Variants in ABCA7 observed in about 807,000 individuals in gnomAD.
ABCA7 encodes phospholipid-transporting ATPase ABCA7.
In ABCA7, 261 loss-of-function variants were observed where a neutral mutation model predicts 227.6. That is an observed-to-expected ratio of 1.15 (90% CI 1.04 to 1.27). The LOEUF is 1.27. Among genes scored for constraint, ABCA7 ranks in the 50% most tolerant of loss-of-function variants. ABCA7 has a pLI of 0.00. For missense variants in ABCA7, 3,331 were observed against 2,924.5 expected, an observed-to-expected ratio of 1.14 and a Z score of -3.21; for synonymous variants, 1,488 against 1,279.7, an observed-to-expected ratio of 1.16 and a Z score of -3.47.
rs764422021 is a variant in ABCA7 at position 1,047,172 on chromosome 19, C to T, written c.1861C>T (p.Pro621Ser). The T allele has an allele frequency of 6.2e-7, 1 of 1,603,956 alleles. No individual in the cohort carries two copies. The highest frequency in any genetic ancestry group is 8.5e-7 in the Non-Finnish European group (1 of 1,177,244). Reference sequence around the variant, plus strand: ...CCTCTCACAGCTGGGAGACATCCTCCCCTACAGCCACCCGGGCGTGGTCTT... The same window carrying T: ...CCTCTCACAGCTGGGAGACATCCTCTCCTACAGCCACCCGGGCGTGGTCTT... ...VLVLKLGDIL[P>S]YSHPGVVFLF... Residue 621 changes from proline (P) to serine (S), a missense_variant, in exon 15 of 47, where the codon CCC becomes TCC. By Grantham distance (74) the Pro-to-Ser change is moderately conservative. Coordinates refer to ENST00000263094, the MANE Select transcript of ABCA7 (RefSeq NM_019112.4).
chr19:1,051,612 G>A, intron 21 of ABCA7, 26 bp downstream of exon 21: 1 of 1,595,526 alleles, frequency 6.3e-7, no homozygotes, highest in East Asian at 2.2e-5. Flanking sequence ...TCTGCTCGAG[G>A]GGCCAGAAAA....
chr19:1,054,407 C>G lies in ABCA7; in HGVS notation c.3726+66C>G, dbSNP rs1162949129. On this transcript the variant is annotated intron_variant, in intron 27 of 46. Transcript: ENST00000263094. The surrounding 1 kb of genome is among the most constrained non-coding windows in gnomAD (Gnocchi z 4.8). ...GAGTTCCCTACCCTGGCCGTCCACT[C>G]AGTGGCCTAATCCAAACCCTTACCC... 3.2e-6 allele frequency: 5 copies of G among 1,554,988 alleles called. No homozygotes were observed. In the East Asian group the frequency reaches 1.1e-4, roughly 35 times the overall value.
At chr19:1,055,467 C>A in intron 30 of ABCA7, 116 bp downstream of exon 30, 1 of 1,163,474 alleles carries the variant, frequency 8.6e-7, no homozygotes, top group Non-Finnish European at 1.2e-6. Context: ...CTTGGGGCTA[C>A]GGGCTGGGAG....
Position 1,051,956 on chromosome 19 carries a change from C to A in ABCA7, c.2977C>A (p.Leu993Ile), listed in dbSNP as rs772638796. The A allele has an allele frequency of 3.7e-6, 6 of 1,611,790 alleles. No homozygotes were observed. Among genetic ancestry groups the A allele is most frequent in the Non-Finnish European group, 5.1e-6 (6 of 1,179,874 alleles). ...CCCGTGCCTAGGTCGCACGCTGATCCTCTCCACCCACCACCTGGATGAGGC... is the reference window on the plus strand; with the variant it reads ...CCCGTGCCTAGGTCGCACGCTGATCATCTCCACCCACCACCTGGATGAGGC... ...LKYREGRTLI[L>I]STHHLDEAEL... The change falls in exon 22 of 47, where the codon CTC (leucine) becomes ATC (isoleucine). Residue 993 changes from leucine (L) to isoleucine (I), a missense_variant. Transcript: ENST00000263094.
At chr19:1,042,269 G>C (rs1358318211) in intron 5 of ABCA7, 46 bp from the exon 6 acceptor site, 6 of 1,580,398 alleles carry the variant, frequency 3.8e-6, no homozygotes, top group Non-Finnish European at 5.2e-6. Context: ...GGGTGCCTCA[G>C]ACCAACGTCC....
chr19:1,061,920 C>CCTGGTGGGGGGGGGGGGGGGG, intron 41 of ABCA7, 32 bp downstream of exon 41: 1 of 1,521,512 alleles, frequency 6.6e-7, no homozygotes, highest in African/African-American at 1.5e-5. Flanking sequence ...CAGGGTGGGG[C>CCTGGTGGGGGGGGGGGGGGGG]AGGGTTGGCC....
At chr19:1,061,150 A>G (rs372597329) in intron 40 of ABCA7, among the ~76,000 whole-genome samples, 7 of 152,200 alleles carry the variant, frequency 4.6e-5, no homozygotes, top group East Asian at 3.9e-4. Context: ...TAACCCCAGC[A>G]CTTTGGGAGG....
At position 1,046,799 on chromosome 19, in the gene ABCA7, C is replaced by T; in HGVS notation, c.1623-3C>T. On this transcript the variant is annotated splice_polypyrimidine_tract_variant and splice_region_variant and intron_variant, in intron 13 of 46. Transcript: ENST00000263094. Reference sequence around the variant, plus strand: ...GCCTCCACCCCAGCCGTCCCCACCCCAGGTTCCTGCGTGTGCTGAGCCGGT... The same window carrying T: ...GCCTCCACCCCAGCCGTCCCCACCCTAGGTTCCTGCGTGTGCTGAGCCGGT... 1 of 1,536,730 alleles carries T rather than the reference C, an allele frequency of 6.5e-7. No homozygotes were observed. The highest frequency in any genetic ancestry group is 8.7e-7 in the Non-Finnish European group (1 of 1,146,642).
intron 18 of ABCA7, among the ~76,000 whole-genome samples, chr19:1,050,226 T>C (rs1406133071): frequency 6.6e-6 from 1 of 151,078 alleles, no homozygotes; most frequent in Non-Finnish European, 1.5e-5. Flanking sequence ...GCCTGGCCAA[T>C]ATGGCAAAAC....
Position 1,057,271 on chromosome 19 carries a change from C to A in ABCA7, c.4765-43C>A, listed in dbSNP as rs757791121. On this transcript the variant is annotated intron_variant, in intron 34 of 46. Coordinates refer to ENST00000263094, the MANE Select transcript of ABCA7 (RefSeq NM_019112.4). Reference sequence around the variant, plus strand: ...GAACAGGGCTGAGGGTGGCAGTGCCCACCTCTTTAGGCTGATAAAGGTAAC... The same window carrying A: ...GAACAGGGCTGAGGGTGGCAGTGCCAACCTCTTTAGGCTGATAAAGGTAAC... 4 of 1,604,420 alleles carry A rather than the reference C, an allele frequency of 2.5e-6. No individual in the cohort carries two copies. In the South Asian group the frequency reaches 4.4e-5, roughly 18 times the overall value.
intron 3 of ABCA7, 83 bp downstream of exon 3, chr19:1,041,686 G>T: frequency 6.3e-7 from 1 of 1,576,806 alleles, no homozygotes; most frequent in Non-Finnish European, 8.6e-7. Flanking sequence ...CCCCGTGCAT[G>T]TCAGGGAGCC....
Position 1,056,047 on chromosome 19 carries a change from T to A in ABCA7, c.4239-19T>A. The A allele has an allele frequency of 1.9e-6, 3 of 1,567,982 alleles. No homozygotes were observed. Among genetic ancestry groups the A allele is most frequent in the Non-Finnish European group, 2.6e-6 (3 of 1,152,842 alleles). On this transcript the variant is annotated intron_variant, in intron 31 of 46. Coordinates refer to ENST00000263094, the MANE Select transcript of ABCA7 (RefSeq NM_019112.4). This position sits in a 1 kb window ranked among gnomAD's most constrained non-coding sequence, Gnocchi z 4.3. ...CCCCCGGCCCTCAGCTCCCCTTCCCTGCCTGCATGGCCCCACAGATACGGA... is the reference window on the plus strand; with the variant it reads ...CCCCCGGCCCTCAGCTCCCCTTCCCAGCCTGCATGGCCCCACAGATACGGA...
At chr19:1,057,155 C>T (rs2042329183) in intron 34 of ABCA7, 71 bp downstream of exon 34, 4 of 1,561,658 alleles carry the variant, frequency 2.6e-6, no homozygotes, top group Non-Finnish European at 2.6e-6. Flanking sequence ...CCCTTGTAGG[C>T]AGGGGCTTGT....
intron 44 of ABCA7, 145 bp downstream of exon 44, chr19:1,064,008 A>C: frequency 7.5e-7 from 1 of 1,330,788 alleles, no homozygotes; most frequent in Non-Finnish European, 1.0e-6. Flanking sequence ...GGACACACAG[A>C]GGTGGGACGC....
intron 42 of ABCA7, among the ~76,000 whole-genome samples, chr19:1,062,649 TTTCTCGCTGGGGTC>T (rs2042737666): frequency 3.3e-5 from 5 of 152,044 alleles, no homozygotes; most frequent in African/African-American, 1.2e-4. Context: ...GCTTCGCGCC[TTTCTCGCTGGGGTC>T]ACGGTCACAT....
chr19:1,060,207 A>ATATATATATTTTTTTT, intron 40 of ABCA7, among the ~76,000 whole-genome samples: 3 of 96,770 alleles, frequency 3.1e-5, no homozygotes, highest in African/African-American at 1.0e-4. Context: ...ATATATATAT[A>ATATATATATTTTTTTT]TTTTTTTTTC....
At chr19:1,044,445 A>G (rs1200190127) in intron 10 of ABCA7, 132 bp from the exon 11 acceptor site, 1 of 1,048,336 alleles carries the variant, frequency 9.5e-7, no homozygotes, top group Non-Finnish European at 1.3e-6. Flanking sequence ...ATGGGCTTTC[A>G]CCATGTTGGC....
Position 1,050,951 on chromosome 19 carries a change from T to C in ABCA7, c.2583T>C (p.Ser861=), listed in dbSNP as rs2041557890. The C allele has an allele frequency of 6.2e-7, 1 of 1,611,324 alleles. No homozygotes were observed. The highest frequency in any genetic ancestry group is 1.3e-5 in the African/African-American group (1 of 74,956). ...LSILSGLFPP[S]GGSAFILGHD... ...TCTTGAGTGGCCTCTTCCCACCCAG[T>C]GGTGGCTCTGCCTTCATCCTGGGCC... The change falls in exon 19 of 47, where the codon AGT becomes AGC. Residue 861 remains serine (S), a synonymous_variant. Coordinates refer to ENST00000263094, the MANE Select transcript of ABCA7 (RefSeq NM_019112.4).
chr19:1,046,750 G>C (rs955340251), intron 13 of ABCA7, 52 bp from the exon 14 acceptor site: 3 of 1,469,384 alleles, frequency 2.0e-6, no homozygotes, highest in East Asian at 5.3e-5. Context: ...GGTGGGCGGA[G>C]GGGGGGTCTG....
Sources: allele counts gnomAD v4.1 joint callset (sites outside exome capture counted in the v4.1 genomes callset), GRCh38; gene constraint gnomAD v4.1.1; non-coding constraint Gnocchi (gnomAD v3.1); transcripts MANE v1.5; gene names NCBI Gene and HGNC (gene_info 2026-07-23, HGNC 2026-07-21).